TDRD10: variants seen among roughly 807,000 people sequenced by gnomAD.
The protein encoded by TDRD10 is tudor domain containing 10, also known as tudor domain-containing protein 10.
TDRD10 carries 40 observed loss-of-function variants against 48.0 expected under a neutral mutation model. That is an observed-to-expected ratio of 0.83 (90% CI 0.65 to 1.09). The LOEUF is 1.09. Among genes scored for constraint, TDRD10 ranks in the 50% least tolerant of loss-of-function variants. The pLI, the probability that TDRD10 is intolerant of heterozygous loss-of-function variation, is 0.00. For synonymous variants in TDRD10, 162 were observed against 170.4 expected (o/e 0.95, Z 0.38); for missense variants, 378 against 434.7 (o/e 0.87, Z 1.16).
chr1:154,514,878 T>TTTATTTATTTA (rs1553195475), intron 4 of TDRD10, among the ~76,000 whole-genome samples: 20,248 of 142,172 alleles, frequency 0.14, 1,659 homozygotes, highest in Admixed American at 0.17. Context: ...TTATTTATTT[T>TTTATTTATTTA]TTTTTTTGAG....
At chr1:154,518,614 A>G (rs905299694) in intron 4 of TDRD10, among the ~76,000 whole-genome samples, 1 of 152,136 alleles carries the variant, frequency 6.6e-6, no homozygotes, top group South Asian at 2.1e-4. Flanking sequence ...TATTTGTAGT[A>G]GAGACGGGGT....
chr1:154,542,876 G>C, intron 8 of TDRD10, 55 bp downstream of exon 8: 7 of 1,459,704 alleles, frequency 4.8e-6, no homozygotes, highest in Non-Finnish European at 6.7e-6. Flanking sequence ...GACATCCTCT[G>C]TCCCCCAGAG....
chr1:154,530,743 C>T (rs1694571928), intron 6 of TDRD10, among the ~76,000 whole-genome samples: 1 of 152,096 alleles, frequency 6.6e-6, no homozygotes, highest in South Asian at 2.1e-4. Context: ...CTTTCTGTTG[C>T]TCAGACTGCA....
intron 11 of TDRD10, among the ~76,000 whole-genome samples, chr1:154,545,927 ATTTTTTTTTT>A (rs559924225): frequency 3.9e-4 from 33 of 85,498 alleles, no homozygotes; most frequent in African/African-American, 1.5e-3. Flanking sequence ...CACCCAGCTA[ATTTTTTTTTT>A]TTTTTTTTTT....
At chr1:154,513,040 T>TCTC (rs1466122043) in intron 4 of TDRD10, among the ~76,000 whole-genome samples, 2 of 152,226 alleles carry the variant, frequency 1.3e-5, no homozygotes, top group Admixed American at 6.5e-5. Context: ...CTGAGGCTGC[T>TCTC]GAGTGATAGG....
intron 6 of TDRD10, among the ~76,000 whole-genome samples, chr1:154,539,691 C>T (rs763684516): frequency 2.0e-5 from 3 of 152,210 alleles, no homozygotes; most frequent in African/African-American, 4.8e-5. Flanking sequence ...ATTTCCTAGG[C>T]CCTGGTGTTA....
chr1:154,546,299 C>T (rs1367520601), intron 11 of TDRD10, among the ~76,000 whole-genome samples: 1 of 150,238 alleles, frequency 6.7e-6, no homozygotes, highest in Non-Finnish European at 1.5e-5. Context: ...GTCTCGAACT[C>T]CTGACCTCGT....
At chr1:154,515,915 C>T (rs1421147875) in intron 4 of TDRD10, among the ~76,000 whole-genome samples, 1 of 152,122 alleles carries the variant, frequency 6.6e-6, no homozygotes, top group African/African-American at 2.4e-5. Flanking sequence ...CGGGGTTTCA[C>T]CATGTTGGCC....
At chr1:154,521,715 G>A (rs895591195) in intron 6 of TDRD10, among the ~76,000 whole-genome samples, 1 of 152,202 alleles carries the variant, frequency 6.6e-6, no homozygotes, top group African/African-American at 2.4e-5. Context: ...AGGATAAAAA[G>A]GGCCATTAGG....
intron 4 of TDRD10, among the ~76,000 whole-genome samples, chr1:154,509,274 T>C (rs2149312971): frequency 6.6e-6 from 1 of 152,278 alleles, no homozygotes; most frequent in South Asian, 2.1e-4. Flanking sequence ...AATTTTCTTG[T>C]CTCCATTTTC....
intron 6 of TDRD10, among the ~76,000 whole-genome samples, chr1:154,533,665 T>A (rs977834909): frequency 1.3e-5 from 2 of 151,846 alleles, no homozygotes; most frequent in South Asian, 4.2e-4. Flanking sequence ...TAGAGCAGGG[T>A]CTTGCTCTGT....
chr1:154,536,692 C>G (rs1362741147), intron 6 of TDRD10, among the ~76,000 whole-genome samples: 2 of 152,204 alleles, frequency 1.3e-5, no homozygotes, highest in Non-Finnish European at 1.5e-5. Flanking sequence ...CCCAGCAGCC[C>G]TCAGCTGTTG....
At chr1:154,526,694 C>T (rs1201021316) in intron 6 of TDRD10, among the ~76,000 whole-genome samples, 1 of 152,036 alleles carries the variant, frequency 6.6e-6, no homozygotes, top group African/African-American at 2.4e-5. Flanking sequence ...ACCTTGTGAT[C>T]TGCCCTTCTT....
In TDRD10 at chr1:154,544,069, G is replaced by A. The variant is rs753287462; in HGVS notation, c.610G>A (p.Val204Ile). Reference sequence around the variant, plus strand: ...GGCGGGGCTGCTGGTGACGAGTATCGTCCCGAAGACCCCGTTTTTCTGGGC... The same window carrying A: ...GGCGGGGCTGCTGGTGACGAGTATCATCCCGAAGACCCCGTTTTTCTGGGC... ...GEAGLLVTSI[V>I]PKTPFFWAMH... The change falls in exon 9 of 13, where the codon GTC (valine) becomes ATC (isoleucine). Residue 204 changes from valine (V) to isoleucine (I), a missense_variant. Coordinates refer to ENST00000368482, the MANE Select transcript of TDRD10 (RefSeq NM_182499.4). The A allele has an allele frequency of 9.3e-6, 15 of 1,614,060 alleles. No homozygotes were observed. Among genetic ancestry groups the A allele is most frequent in the South Asian group, 7.7e-5 (7 of 91,088 alleles).
In TDRD10 at chr1:154,523,575, G is replaced by A. The variant is rs1694166073; in HGVS notation, c.369+2096G>A. 2.6e-5 allele frequency among the ~76,000 whole-genome samples: 4 copies of A among 152,278 alleles called. No homozygotes were observed. In the South Asian group the frequency reaches 6.2e-4, roughly 24 times the overall value. On this transcript the variant is annotated intron_variant, in intron 6 of 12. Transcript: ENST00000368482. Reference sequence around the variant, plus strand: ...TCCAACAGTTGATGCATTGGCTCACGTAGGCACACAAAGTCTGCTGACCCC... The same window carrying A: ...TCCAACAGTTGATGCATTGGCTCACATAGGCACACAAAGTCTGCTGACCCC...
chr1:154,518,885 A>G (rs1557819597), intron 4 of TDRD10, among the ~76,000 whole-genome samples: 1 of 152,264 alleles, frequency 6.6e-6, no homozygotes, highest in South Asian at 2.1e-4. Flanking sequence ...TTTACTGATA[A>G]CTGCCAAAAT....
At chr1:154,519,585 T>C (rs893152503) in intron 4 of TDRD10, among the ~76,000 whole-genome samples, 1 of 152,084 alleles carries the variant, frequency 6.6e-6, no homozygotes, top group African/African-American at 2.4e-5. Flanking sequence ...AGCATTTCAG[T>C]AGGGCTGGAA....
At chr1:154,542,380 G>A (rs1015901994) in intron 7 of TDRD10, among the ~76,000 whole-genome samples, 4 of 152,098 alleles carry the variant, frequency 2.6e-5, no homozygotes, top group Admixed American at 6.6e-5. Context: ...GGTGTGCATC[G>A]CCATGCCTGG....
At chr1:154,520,807 G>A (rs916360329) in intron 5 of TDRD10, among the ~76,000 whole-genome samples, 13 of 151,520 alleles carry the variant, frequency 8.6e-5, no homozygotes, top group Non-Finnish European at 1.9e-4. Context: ...GTGCAGTCTC[G>A]GCTCACTGCA....
Sources: gnomAD v4.1 joint callset for allele counts (sites outside exome capture counted in the v4.1 genomes callset) on GRCh38, gnomAD v4.1.1 for gene constraint, MANE v1.5 for transcripts, NCBI Gene and HGNC (gene_info 2026-07-23, HGNC 2026-07-21) for gene names.